CCDC192: variants seen among roughly 807,000 people sequenced by gnomAD.
CCDC192 encodes coiled-coil domain-containing protein 192.
chr5:127,810,245 T>C (rs971868560), intron 5 of CCDC192, among the ~76,000 whole-genome samples: 2 of 152,324 alleles, frequency 1.3e-5, no homozygotes, highest in Admixed American at 6.5e-5. Context: ...ACTCTGCCCA[T>C]TCATTGTTAT....
chr5:127,725,077 T>A (rs1299414450), intron 2 of CCDC192, among the ~76,000 whole-genome samples: 1 of 152,198 alleles, frequency 6.6e-6, no homozygotes, highest in African/African-American at 2.4e-5. Flanking sequence ...ACTCTTTATA[T>A]CAAATAAAAA....
chr5:127,931,829 CAATTT>C (rs1754036293), intron 6 of CCDC192, among the ~76,000 whole-genome samples: 1 of 152,040 alleles, frequency 6.6e-6, no homozygotes, highest in African/African-American at 2.4e-5. Context: ...TCTAGGGGAT[CAATTT>C]TTCTAACTTT....
At chr5:127,818,968 T>G (rs1028587595) in intron 5 of CCDC192, among the ~76,000 whole-genome samples, 2 of 152,196 alleles carry the variant, frequency 1.3e-5, no homozygotes, top group Non-Finnish European at 2.9e-5. Context: ...AGGCAACAAC[T>G]CCTTAATACC....
At chr5:127,730,521 A>G (rs1392429001) in intron 2 of CCDC192, among the ~76,000 whole-genome samples, 1 of 152,184 alleles carries the variant, frequency 6.6e-6, no homozygotes, top group East Asian at 1.9e-4. Context: ...ATCTCATTTT[A>G]TGAGGCCAAC....
At chr5:127,893,768 G>A (rs780523877) in intron 6 of CCDC192, among the ~76,000 whole-genome samples, 9 of 152,234 alleles carry the variant, frequency 5.9e-5, no homozygotes, top group Middle Eastern at 3.4e-3. Flanking sequence ...GTGTGGGGAC[G>A]GGGTGTCAAT....
At chr5:127,751,502 T>C (rs1443974913) in intron 2 of CCDC192, among the ~76,000 whole-genome samples, 1 of 152,206 alleles carries the variant, frequency 6.6e-6, no homozygotes, top group African/African-American at 2.4e-5. Flanking sequence ...TCTGATGGGC[T>C]TCCCTTTGAG....
intron 1 of CCDC192, among the ~76,000 whole-genome samples, chr5:127,703,816 G>A (rs763695797): frequency 2.0e-5 from 3 of 152,096 alleles, no homozygotes; most frequent in Admixed American, 1.3e-4. Flanking sequence ...GGAAGGGGGA[G>A]GGTATGAAGC....
chr5:127,800,395 AAAAAAAC>A (rs1469839204), intron 5 of CCDC192, among the ~76,000 whole-genome samples: 4 of 138,654 alleles, frequency 2.9e-5, no homozygotes, highest in African/African-American at 2.6e-5. Context: ...AAAAAAAAAA[AAAAAAAC>A]AACAACAACA....
At chr5:127,936,855 A>G (rs1423567256) in intron 6 of CCDC192, among the ~76,000 whole-genome samples, 1 of 152,148 alleles carries the variant, frequency 6.6e-6, no homozygotes, top group Non-Finnish European at 1.5e-5. Context: ...GAGGGACCAC[A>G]GGTGTGTGAA....
chr5:127,851,177 A>G (rs1750780127), intron 5 of CCDC192, among the ~76,000 whole-genome samples: 2 of 152,276 alleles, frequency 1.3e-5, no homozygotes, highest in East Asian at 3.9e-4. Context: ...ATTTCTCAGC[A>G]GTAAATTATT....
At chr5:127,738,164 G>A (rs891730008) in intron 2 of CCDC192, among the ~76,000 whole-genome samples, 2 of 151,528 alleles carry the variant, frequency 1.3e-5, no homozygotes, top group Non-Finnish European at 2.9e-5. Context: ...TGTCTGTAAA[G>A]TATTTTATTT....
intron 6 of CCDC192, among the ~76,000 whole-genome samples, chr5:127,919,072 TA>T (rs1753627463): frequency 7.7e-6 from 1 of 129,120 alleles, no homozygotes; most frequent in African/African-American, 3.3e-5. Context: ...TGTGTGTATA[TA>T]TGTGTGTGTG....
chr5:127,915,217 AAC>A (rs1372311922), intron 6 of CCDC192, among the ~76,000 whole-genome samples: 1 of 151,344 alleles, frequency 6.6e-6, no homozygotes, highest in African/African-American at 2.5e-5. Context: ...ATGTTTAAAA[AAC>A]AATGCACATA....
intron 6 of CCDC192, among the ~76,000 whole-genome samples, chr5:127,878,500 A>G (rs900728151): frequency 3.9e-5 from 6 of 152,140 alleles, no homozygotes; most frequent in Non-Finnish European, 5.9e-5. Context: ...GGCAAAACCA[A>G]TATCTCCTAG....
At chr5:127,778,333 G>A (rs1755992578) in intron 3 of CCDC192, among the ~76,000 whole-genome samples, 1 of 152,178 alleles carries the variant, frequency 6.6e-6, no homozygotes, top group Non-Finnish European at 1.5e-5. Context: ...TCATGGAAGA[G>A]TGTTGGATTT....
chr5:127,849,065 AC>A (rs1282155106), intron 5 of CCDC192, among the ~76,000 whole-genome samples: 1 of 152,070 alleles, frequency 6.6e-6, no homozygotes, highest in Non-Finnish European at 1.5e-5. Context: ...CCCCATCTCT[AC>A]TAAAAATACA....
At chr5:127,797,363 A>G (rs1300751842) in intron 4 of CCDC192, 129 bp downstream of exon 4, 3 of 367,404 alleles carry the variant, frequency 8.2e-6, no homozygotes, top group Non-Finnish European at 1.5e-5. Context: ...AAATAACAAT[A>G]TTTGTATTTG....
At chr5:127,788,808 A>G (rs878875793) in intron 3 of CCDC192, among the ~76,000 whole-genome samples, 1 of 152,030 alleles carries the variant, frequency 6.6e-6, no homozygotes, top group Admixed American at 6.5e-5. Flanking sequence ...ATTGCTATGG[A>G]CTGAATATTT....
chr5:127,719,524 T>TATATATACAC (rs1561444898), intron 2 of CCDC192, among the ~76,000 whole-genome samples: 4 of 88,242 alleles, frequency 4.5e-5, no homozygotes, highest in South Asian at 3.0e-4. Flanking sequence ...TATATATATA[T>TATATATACAC]ACACACATAC....
Sources: gnomAD v4.1 joint callset for allele counts (sites outside exome capture counted in the v4.1 genomes callset) on GRCh38, gnomAD v4.1.1 for gene constraint, MANE v1.5 for transcripts, NCBI Gene and HGNC (gene_info 2026-07-23, HGNC 2026-07-21) for gene names.